IMMP2L: variants seen among roughly 807,000 people sequenced by gnomAD.
IMMP2L encodes mitochondrial inner membrane protease subunit 2.
Under a neutral mutation model 19.3 loss-of-function variants are expected in IMMP2L, and 18 were observed. The ratio of observed to expected loss-of-function variants is 0.93; its 90% CI spans 0.64 to 1.38. The LOEUF (loss-of-function observed/expected upper bound fraction) is 1.38. IMMP2L is among the 40% of genes most tolerant of loss of function. IMMP2L has a pLI of 0.00. For missense variants in IMMP2L, 233 were observed against 218.2 expected, an observed-to-expected ratio of 1.07 and a Z score of -0.43; for synonymous variants, 76 against 73.0, an observed-to-expected ratio of 1.04 and a Z score of -0.21.
At chr7:111,322,769 G>A (rs1434608604) in intron 3 of IMMP2L, among the ~76,000 whole-genome samples, 2 of 151,556 alleles carry the variant, frequency 1.3e-5, no homozygotes, top group Non-Finnish European at 2.9e-5. Context: ...TAAAAAGCAG[G>A]TTAACATTTA....
At chr7:110,962,944 T>G in intron 4 of IMMP2L, 1 of 1,422,506 alleles carries the variant, frequency 7.0e-7, no homozygotes, top group South Asian at 1.6e-5. Context: ...CAACAATTGT[T>G]CTTGATTTAT....
chr7:111,009,594 A>C (rs756440809), intron 3 of IMMP2L, among the ~76,000 whole-genome samples: 1 of 152,058 alleles, frequency 6.6e-6, no homozygotes, highest in Non-Finnish European at 1.5e-5. Flanking sequence ...AATATGAGAA[A>C]ATTTTAAATT....
chr7:110,786,485 T>C (rs536552647), intron 5 of IMMP2L, among the ~76,000 whole-genome samples: 1 of 152,018 alleles, frequency 6.6e-6, no homozygotes, highest in Non-Finnish European at 1.5e-5. Context: ...ATGGAGGAAA[T>C]GAAACAAGAC....
chr7:111,561,595 C>A (rs1322764874), intron 1 of IMMP2L, among the ~76,000 whole-genome samples: 5 of 152,080 alleles, frequency 3.3e-5, no homozygotes, highest in Admixed American at 2.0e-4. Flanking sequence ...AGGGGAAGTG[C>A]AGTTTTCTGT....
chr7:111,545,383 T>C (rs1483217498), intron 1 of IMMP2L, among the ~76,000 whole-genome samples: 2 of 152,204 alleles, frequency 1.3e-5, no homozygotes, highest in Non-Finnish European at 2.9e-5. Context: ...TTGTTGTTTT[T>C]TCTTGTAGAG....
intron 3 of IMMP2L, among the ~76,000 whole-genome samples, chr7:110,974,246 C>T (rs955394273): frequency 6.6e-6 from 1 of 152,012 alleles, no homozygotes; most frequent in Non-Finnish European, 1.5e-5. Context: ...TTGGGGATTT[C>T]GTTTCACTCT....
chr7:110,915,030 C>T (rs539517541), intron 4 of IMMP2L, among the ~76,000 whole-genome samples: 2 of 137,586 alleles, frequency 1.5e-5, no homozygotes, highest in African/African-American at 5.2e-5. Context: ...AACAGAATGG[C>T]GGTTTCTGAA....
intron 3 of IMMP2L, among the ~76,000 whole-genome samples, chr7:111,250,930 T>C (rs1816033578): frequency 6.6e-6 from 1 of 152,162 alleles, no homozygotes; most frequent in Non-Finnish European, 1.5e-5. Context: ...ACAGAACTTC[T>C]GCATAGCAAA....
intron 5 of IMMP2L, among the ~76,000 whole-genome samples, chr7:110,860,107 T>C (rs559482373): frequency 1.6e-4 from 24 of 152,186 alleles, no homozygotes; most frequent in African/African-American, 5.5e-4. Context: ...TCAACATCAA[T>C]GGTTAGATGG....
intron 3 of IMMP2L, among the ~76,000 whole-genome samples, chr7:111,190,736 T>C (rs1341619314): frequency 6.6e-6 from 1 of 152,136 alleles, no homozygotes; most frequent in Non-Finnish European, 1.5e-5. Context: ...CATGAGTATA[T>C]TGCTTATCTA....
At position 110,881,761 on chromosome 7, in the gene IMMP2L, T is replaced by C. The variant is rs1320539586; in HGVS notation, c.408+4832A>G. On this transcript the variant is annotated intron_variant, in intron 5 of 5. Transcript: ENST00000405709. ...TCGTGTATCACAAGATTATTCTGTATTGTACAGGCAGAATATTTTCAATGC... is the reference window on the plus strand; with the variant it reads ...TCGTGTATCACAAGATTATTCTGTACTGTACAGGCAGAATATTTTCAATGC... 2.6e-5 allele frequency among the ~76,000 whole-genome samples: 4 copies of C among 152,222 alleles called. No homozygotes were observed. The East Asian group carries it at 7.7e-4, about 29-fold the overall frequency.
At chr7:111,238,868 A>G (rs950347352) in intron 3 of IMMP2L, among the ~76,000 whole-genome samples, 6 of 152,000 alleles carry the variant, frequency 3.9e-5, no homozygotes, top group African/African-American at 1.4e-4. Flanking sequence ...AGTTCATTAT[A>G]TCCTCTGAAC....
chr7:111,443,621 A>G (rs1837973537), intron 3 of IMMP2L, among the ~76,000 whole-genome samples: 1 of 152,174 alleles, frequency 6.6e-6, no homozygotes, highest in Non-Finnish European at 1.5e-5. Context: ...AACTCTCCTC[A>G]AAATATCCCA....
chr7:111,550,258 C>T (rs932262040), intron 1 of IMMP2L, among the ~76,000 whole-genome samples: 8 of 152,054 alleles, frequency 5.3e-5, no homozygotes, highest in African/African-American at 1.9e-4. Context: ...AAGGCAAAAA[C>T]ATTGGAGACA....
chr7:111,197,493 G>A (rs761823818), intron 3 of IMMP2L, among the ~76,000 whole-genome samples: 3 of 151,922 alleles, frequency 2.0e-5, no homozygotes, highest in Non-Finnish European at 4.4e-5. Context: ...AAACAAAAAT[G>A]AACCAAGTAT....
intron 3 of IMMP2L, chr7:111,124,940 A>G (rs1586448528): frequency 7.1e-7 from 1 of 1,412,772 alleles, no homozygotes; most frequent in Non-Finnish European, 9.6e-7. Context: ...AACAAAAAAA[A>G]AAAAAGCGAA....
chr7:111,174,246 T>C lies in IMMP2L; in HGVS notation c.240-210681A>G, dbSNP rs187136221. ...CTCTAAAAGTTTCAGTCCTTTAACA[T>C]AGTTAATCTCAATGCATACTTACAA... On this transcript the variant is annotated intron_variant, in intron 3 of 5. Coordinates refer to ENST00000405709, the MANE Select transcript of IMMP2L (RefSeq NM_032549.4). Among the ~76,000 whole-genome samples, 181 of 151,710 alleles carry C rather than the reference T, an allele frequency of 1.2e-3. 1 individual carries two copies. The highest frequency in any genetic ancestry group is 4.2e-3 in the African/African-American group (175 of 41,478).
intron 3 of IMMP2L, among the ~76,000 whole-genome samples, chr7:111,098,627 T>C (rs1797648153): frequency 6.6e-6 from 1 of 151,828 alleles, no homozygotes; most frequent in Admixed American, 6.6e-5. Flanking sequence ...AAGCATTTTC[T>C]GTGCCAAACA....
intron 5 of IMMP2L, among the ~76,000 whole-genome samples, chr7:110,722,820 G>A (rs758374982): frequency 6.6e-6 from 1 of 152,124 alleles, no homozygotes; most frequent in African/African-American, 2.4e-5. Flanking sequence ...ACAGATGCTA[G>A]AAGGATGGGG....
Sources: allele counts gnomAD v4.1 joint callset (sites outside exome capture counted in the v4.1 genomes callset), GRCh38; gene constraint gnomAD v4.1.1; transcripts MANE v1.5; gene names NCBI Gene and HGNC (gene_info 2026-07-23, HGNC 2026-07-21).